IGSF11: variants seen among roughly 807,000 people sequenced by gnomAD.
IGSF11 encodes immunoglobulin superfamily member 11.
In IGSF11, 22 loss-of-function variants were observed where a neutral mutation model predicts 41.0. That is an observed-to-expected ratio of 0.54 (90% confidence interval 0.38 to 0.77). The LOEUF is 0.77. IGSF11 is among the 30% of genes least tolerant of loss of function. The pLI, the probability that IGSF11 is intolerant of heterozygous loss-of-function variation, is 0.00. For missense variants in IGSF11, 444 were observed against 530.8 expected, an observed-to-expected ratio of 0.84 and a Z score of 1.61; for synonymous variants, 219 against 201.3, an observed-to-expected ratio of 1.09 and a Z score of -0.74.
intron 1 of IGSF11, among the ~76,000 whole-genome samples, chr3:118,959,416 G>C (rs1340743733): frequency 6.6e-6 from 1 of 152,128 alleles, no homozygotes; most frequent in Non-Finnish European, 1.5e-5. Context: ...GCAAGGAAGT[G>C]GTACCATACT....
intron 1 of IGSF11, among the ~76,000 whole-genome samples, chr3:119,045,057 C>T (rs1261144465): frequency 1.3e-5 from 2 of 152,196 alleles, no homozygotes; most frequent in African/African-American, 4.8e-5. Flanking sequence ...CATCTCAATA[C>T]TAACACTGAA....
rs555735665 is a variant in IGSF11 at position 119,062,588 on chromosome 3, A to G, written c.49+42556T>C. 3.3e-5 allele frequency among the ~76,000 whole-genome samples: 5 copies of G among 152,350 alleles called. No homozygotes were observed. The South Asian group carries it at 1.0e-3, about 32-fold the overall frequency. On this transcript the variant is annotated intron_variant, in intron 1 of 6. Coordinates refer to the IGSF11 transcript ENST00000354673. ...AAATGATTGGGGTAATAAATTGCCT[A>G]GCAAGATTGCCAAGAATTCCAGAAG...
chr3:119,091,910 C>T (rs1427005726), intron 1 of IGSF11, among the ~76,000 whole-genome samples: 1 of 148,860 alleles, frequency 6.7e-6, no homozygotes, highest in African/African-American at 2.5e-5. Context: ...TAGAAAAAAA[C>T]TTACAGAGTA....
intron 1 of IGSF11, among the ~76,000 whole-genome samples, chr3:118,999,890 G>A (rs901119721): frequency 8.6e-5 from 13 of 151,998 alleles, no homozygotes; most frequent in Non-Finnish European, 1.6e-4. Flanking sequence ...TAGAGTACCA[G>A]CAACCGACAC....
chr3:118,981,094 G>C (rs552569733), intron 1 of IGSF11, among the ~76,000 whole-genome samples: 2 of 152,296 alleles, frequency 1.3e-5, no homozygotes, highest in Admixed American at 1.3e-4. Flanking sequence ...GTTTATGAGT[G>C]AGCTGAGTTC....
At chr3:119,080,814 G>T (rs2076574164) in intron 1 of IGSF11, among the ~76,000 whole-genome samples, 1 of 152,100 alleles carries the variant, frequency 6.6e-6, no homozygotes, top group African/African-American at 2.4e-5. Flanking sequence ...TGCTTAATTT[G>T]CATCTTTAAA....
intron 1 of IGSF11, among the ~76,000 whole-genome samples, chr3:118,975,535 C>T (rs1202758143): frequency 1.3e-5 from 2 of 152,074 alleles, no homozygotes; most frequent in African/African-American, 2.4e-5. Context: ...CACTGTTAGC[C>T]CCAGCTTTTC....
intron 1 of IGSF11, among the ~76,000 whole-genome samples, chr3:119,032,850 C>T (rs1940543512): frequency 6.6e-6 from 1 of 152,232 alleles, no homozygotes. Context: ...GACACTCACA[C>T]GCGTCTTTGT....
In IGSF11 at chr3:118,983,074, G is replaced by A. The variant is rs1576551194; in HGVS notation, c.52+51457C>T. Among the ~76,000 whole-genome samples the A allele has an allele frequency of 6.6e-5, 10 of 152,170 alleles. No homozygotes were observed. In the South Asian group the frequency reaches 2.1e-3, roughly 32 times the overall value. On this transcript the variant is annotated intron_variant, in intron 1 of 6. Transcript: ENST00000393775. ...CACATAGCCCCAACATAATTGCAAG[G>A]AAGGCAGAAAAAAACAGCTTAAGTC...
At chr3:118,994,569 G>A (rs1479028990) in intron 1 of IGSF11, among the ~76,000 whole-genome samples, 6 of 152,106 alleles carry the variant, frequency 3.9e-5, no homozygotes, top group African/African-American at 1.2e-4. Context: ...GAGATGGGAG[G>A]ATCACTTAAG....
At chr3:118,924,831 CTTTA>C (rs1191468645) in intron 4 of IGSF11, among the ~76,000 whole-genome samples, 1 of 151,904 alleles carries the variant, frequency 6.6e-6, no homozygotes, top group Admixed American at 6.6e-5. Flanking sequence ...GATGATACCC[CTTTA>C]TTTTTGTTTA....
At chr3:119,046,019 G>C (rs1430137942) in intron 1 of IGSF11, among the ~76,000 whole-genome samples, 83 of 151,338 alleles carry the variant, frequency 5.5e-4, no homozygotes, top group Non-Finnish European at 1.0e-3. Flanking sequence ...AAGACCAAAA[G>C]TAGATAAAAC....
At chr3:119,038,951 G>A (rs1242362135), upstream of IGSF11, among the ~76,000 whole-genome samples, 1 of 152,154 alleles carries the variant, frequency 6.6e-6, no homozygotes, top group Non-Finnish European at 1.5e-5. Context: ...TGAATCCATT[G>A]TAATCTTGAA....
Position 119,056,193 on chromosome 3 carries a change from TG to T in IGSF11, c.49+48950del, listed in dbSNP as rs1941826767. Among the ~76,000 whole-genome samples the T allele has an allele frequency of 2.0e-5, 3 of 152,152 alleles. No individual in the cohort carries two copies. The South Asian group carries it at 6.2e-4, about 32-fold the overall frequency. Reference sequence around the variant, plus strand: ...TTAATGAATCCAGGAGCTGGTTTTTTGAAAAGATCAACAAAATTGATAGACT... The same window carrying T: ...TTAATGAATCCAGGAGCTGGTTTTTTAAAAGATCAACAAAATTGATAGACT... On this transcript the variant is annotated intron_variant, in intron 1 of 6. Coordinates refer to the IGSF11 transcript ENST00000354673.
chr3:119,096,251 AC>A (rs1459765572), intron 1 of IGSF11, among the ~76,000 whole-genome samples: 1 of 151,742 alleles, frequency 6.6e-6, no homozygotes, highest in East Asian at 1.9e-4. Flanking sequence ...TAACTGGTCT[AC>A]CCCTTATGGC....
chr3:118,955,740 C>G (rs1233977145), intron 1 of IGSF11, among the ~76,000 whole-genome samples: 1 of 152,020 alleles, frequency 6.6e-6, no homozygotes, highest in Non-Finnish European at 1.5e-5. Flanking sequence ...GGTAGAGGAG[C>G]TTTAGTGTAA....
chr3:118,944,621 C>T (rs1943979052), intron 1 of IGSF11, among the ~76,000 whole-genome samples: 1 of 152,066 alleles, frequency 6.6e-6, no homozygotes. Flanking sequence ...TTGATATAGT[C>T]ACGACACTTT....
chr3:119,002,405 T>C (rs1236517323), intron 1 of IGSF11, among the ~76,000 whole-genome samples: 1 of 150,672 alleles, frequency 6.6e-6, no homozygotes, highest in Non-Finnish European at 1.5e-5. Flanking sequence ...GTGAAAATTT[T>C]CTCCCATGTT....
At chr3:118,984,373 G>T (rs1184609179) in intron 1 of IGSF11, among the ~76,000 whole-genome samples, 1 of 152,084 alleles carries the variant, frequency 6.6e-6, no homozygotes, top group Non-Finnish European at 1.5e-5. Context: ...AAAATGAAAT[G>T]AACTATATGA....
Sources: gnomAD v4.1 joint callset for allele counts (sites outside exome capture counted in the v4.1 genomes callset) on GRCh38, gnomAD v4.1.1 for gene constraint, MANE v1.5 for transcripts, NCBI Gene and HGNC (gene_info 2026-07-23, HGNC 2026-07-21) for gene names.